CENPW: variants seen among roughly 807,000 people sequenced by gnomAD.
CENPW encodes cancer-up-regulated gene 2 protein.
Under a neutral mutation model 11.1 loss-of-function variants are expected in CENPW, and 3 were observed. That is an observed-to-expected ratio of 0.27 (90% CI 0.12 to 0.70). The LOEUF (loss-of-function observed/expected upper bound fraction) is 0.70, where lower values mean the gene tolerates loss of function less well. Among genes scored for constraint, CENPW ranks in the 30% least tolerant of loss-of-function variants. CENPW has a pLI of 0.77. For synonymous variants in CENPW, 38 were observed against 42.0 expected (o/e 0.91, Z 0.37); for missense variants, 100 against 105.6 (o/e 0.95, Z 0.23).
chr6:126,425,768 T>G, the CENPW span, among the ~76,000 whole-genome samples: 1 of 151,914 alleles, frequency 6.6e-6, no homozygotes, highest in East Asian at 1.9e-4. Context: ...CTAGTCTTAT[T>G]TCTATAAAAG....
At chr6:126,407,388 T>C in the CENPW span, among the ~76,000 whole-genome samples, 1 of 152,230 alleles carries the variant, frequency 6.6e-6, no homozygotes, top group African/African-American at 2.4e-5. Context: ...AGTGCTTCAA[T>C]GAACATACAT....
the CENPW span, among the ~76,000 whole-genome samples, chr6:126,400,770 CTA>C: frequency 5.9e-5 from 9 of 151,848 alleles, no homozygotes; most frequent in East Asian, 1.4e-3. Flanking sequence ...TTCTGTTGAC[CTA>C]TATATGAGTT....
chr6:126,365,625 TG>T, the CENPW span, among the ~76,000 whole-genome samples: 1 of 152,108 alleles, frequency 6.6e-6, no homozygotes, highest in African/African-American at 2.4e-5. Flanking sequence ...AAGATTTGGG[TG>T]GGGACACAGA....
chr6:126,414,257 C>G, the CENPW span, among the ~76,000 whole-genome samples: 1 of 152,044 alleles, frequency 6.6e-6, no homozygotes, highest in East Asian at 1.9e-4. Flanking sequence ...GATAGATAAT[C>G]TAGAAACAAA....
chr6:126,451,032 G>A, the CENPW span, among the ~76,000 whole-genome samples: 1 of 150,944 alleles, frequency 6.6e-6, no homozygotes, highest in Non-Finnish European at 1.5e-5. Context: ...TTATACTTAT[G>A]AGTATAAATG....
At chr6:126,442,102 A>C in the CENPW span, among the ~76,000 whole-genome samples, 1 of 151,512 alleles carries the variant, frequency 6.6e-6, no homozygotes, top group Non-Finnish European at 1.5e-5. Flanking sequence ...TACCACTTCC[A>C]TGCCAACATC....
the CENPW span, among the ~76,000 whole-genome samples, chr6:126,381,842 C>T: frequency 6.6e-6 from 1 of 152,148 alleles, no homozygotes. Context: ...GGCTCAGTAC[C>T]AGTCCCCTAA....
At chr6:126,471,614 A>C in the CENPW span, among the ~76,000 whole-genome samples, 1 of 152,232 alleles carries the variant, frequency 6.6e-6, no homozygotes, top group Non-Finnish European at 1.5e-5. Flanking sequence ...TGAAAACATC[A>C]CAGTAATCAA....
At chr6:126,387,369 G>A in the CENPW span, among the ~76,000 whole-genome samples, 9 of 152,008 alleles carry the variant, frequency 5.9e-5, no homozygotes, top group Non-Finnish European at 8.8e-5. Context: ...CATATACGGC[G>A]TAGCTTGATT....
chr6:126,340,522 G>T, intron 1 of CENPW, 123 bp downstream of exon 1: 2 of 1,406,688 alleles, frequency 1.4e-6, no homozygotes, highest in South Asian at 2.5e-5. Context: ...GTTTAAGGCA[G>T]TTCCAACAAT....
the CENPW span, among the ~76,000 whole-genome samples, chr6:126,360,679 G>T: frequency 6.6e-6 from 1 of 151,248 alleles, no homozygotes; most frequent in African/African-American, 2.4e-5. Context: ...TCAAGCTCTG[G>T]GTTTTTTTTT....
At chr6:126,449,523 C>A in the CENPW span, among the ~76,000 whole-genome samples, 1 of 151,080 alleles carries the variant, frequency 6.6e-6, no homozygotes. Context: ...ACCAGTAAGA[C>A]AACTCAGAGC....
the CENPW span, among the ~76,000 whole-genome samples, chr6:126,408,973 T>A: frequency 3.3e-5 from 5 of 152,020 alleles, no homozygotes; most frequent in Admixed American, 1.3e-4. Flanking sequence ...TTTTTAATAT[T>A]TATTTTTCTC....
At chr6:126,405,206 C>A in the CENPW span, among the ~76,000 whole-genome samples, 518 of 152,036 alleles carry the variant, frequency 3.4e-3, 1 homozygote, top group Non-Finnish European at 6.2e-3. Context: ...CTAGTTTTTT[C>A]TTCTGCCTAT....
the CENPW span, among the ~76,000 whole-genome samples, chr6:126,404,322 C>T: frequency 6.6e-6 from 1 of 152,058 alleles, no homozygotes; most frequent in Admixed American, 6.6e-5. Context: ...ACAAACATTG[C>T]ATAAGGCTAG....
chr6:126,462,367 A>G, the CENPW span, among the ~76,000 whole-genome samples: 1 of 151,882 alleles, frequency 6.6e-6, no homozygotes, highest in Non-Finnish European at 1.5e-5. Flanking sequence ...CTCAAGATAC[A>G]GTTTAGTGAT....
chr6:126,363,993 A>T, the CENPW span, among the ~76,000 whole-genome samples: 6 of 152,132 alleles, frequency 3.9e-5, no homozygotes, highest in Admixed American at 3.9e-4. Context: ...TTCTTTTATG[A>T]TGCTTCTCTA....
downstream of CENPW, among the ~76,000 whole-genome samples, chr6:126,349,867 A>G (rs1198385908): frequency 2.0e-5 from 3 of 151,974 alleles, no homozygotes; most frequent in African/African-American, 7.2e-5. Flanking sequence ...TATTTTTTTT[A>G]AAAGACTGAA....
At chr6:126,370,565 T>C in the CENPW span, among the ~76,000 whole-genome samples, 1 of 152,094 alleles carries the variant, frequency 6.6e-6, no homozygotes, top group East Asian at 1.9e-4. Context: ...ATTCTCAGCT[T>C]TGTCATGTTG....
Sources: allele counts gnomAD v4.1 joint callset (sites outside exome capture counted in the v4.1 genomes callset), GRCh38; gene constraint gnomAD v4.1.1; transcripts MANE v1.5; gene names NCBI Gene and HGNC (gene_info 2026-07-23, HGNC 2026-07-21).